The following STK32A variants were observed in gnomAD, a reference collection of about 807,000 sequenced individuals.
The protein encoded by STK32A is serine/threonine-protein kinase 32A.
A neutral mutation model predicts 53.2 loss-of-function variants in STK32A; 41 were observed. The observed-to-expected ratio is 0.77, with a 90% CI of 0.60 to 1.00. The LOEUF (loss-of-function observed/expected upper bound fraction) is 1.00, where lower values mean the gene tolerates loss of function less well. Ranked by LOEUF, STK32A falls within the 50% of genes least tolerant of loss-of-function variation. STK32A has a pLI of 0.00. For missense variants in STK32A, 458 were observed against 485.8 expected (o/e 0.94, Z 0.54); for synonymous variants, 166 against 162.8 (o/e 1.02, Z -0.15).
chr5:147,346,087 T>C (rs1254829733), intron 6 of STK32A, among the ~76,000 whole-genome samples: 1 of 152,210 alleles, frequency 6.6e-6, no homozygotes, highest in African/African-American at 2.4e-5. Flanking sequence ...TCAAGGAACA[T>C]AATTAACCAC....
intron 2 of STK32A, chr5:147,240,040 T>C (rs1431053827): frequency 5.0e-6 from 1 of 201,226 alleles, no homozygotes; most frequent in Non-Finnish European, 9.9e-6. Context: ...ATTATCAACA[T>C]GTACATGAAT....
At chr5:147,258,106 C>A (rs1413725005) in intron 2 of STK32A, among the ~76,000 whole-genome samples, 1 of 151,218 alleles carries the variant, frequency 6.6e-6, no homozygotes, top group Non-Finnish European at 1.5e-5. Context: ...CATATTTATC[C>A]AATTTTTAAT....
At chr5:147,367,597 T>C (rs1260968071) in intron 8 of STK32A, among the ~76,000 whole-genome samples, 1 of 151,908 alleles carries the variant, frequency 6.6e-6, no homozygotes, top group East Asian at 1.9e-4. Context: ...GGGGTGAGGA[T>C]CACAAGGTGC....
chr5:147,279,317 T>C lies in STK32A; in HGVS notation c.179T>C (p.Val60Ala). Residue 60 changes from valine (V) to alanine (A), a missense_variant, in exon 4 of 13, where the codon GTG becomes GCG. Transcript: ENST00000397936. ...AAGTACATGAATAAACAAAAGTGCG[T>C]GGAGCGCAATGAAGTGAGAAATGTC... ...AMKYMNKQKCVERNEVRNVFK... is the reference protein window; with the variant it reads ...AMKYMNKQKCAERNEVRNVFK... 1 of 1,613,882 alleles carries C rather than the reference T, an allele frequency of 6.2e-7. No individual in the cohort carries two copies. Among genetic ancestry groups the C allele is most frequent in the Non-Finnish European group, 8.5e-7 (1 of 1,179,836 alleles).
chr5:147,277,079 A>C (rs1306479590), intron 2 of STK32A, among the ~76,000 whole-genome samples: 1 of 152,220 alleles, frequency 6.6e-6, no homozygotes, highest in Non-Finnish European at 1.5e-5. Context: ...CACTCTAGCC[A>C]AACTTTTTCC....
At chr5:147,355,536 G>T (rs1198973881) in intron 7 of STK32A, among the ~76,000 whole-genome samples, 2 of 151,926 alleles carry the variant, frequency 1.3e-5, no homozygotes, top group Non-Finnish European at 2.9e-5. Context: ...AAATTAGCCG[G>T]GCGTGGTGGC....
At position 147,278,880 on chromosome 5, in the gene STK32A, A is replaced by C. The variant is rs1170014720; in HGVS notation, c.109-367A>C. Among the ~76,000 whole-genome samples, 4 of 152,276 alleles carry C rather than the reference A, an allele frequency of 2.6e-5. No homozygotes were observed. The East Asian group carries it at 7.8e-4, about 30-fold the overall frequency. On this transcript the variant is annotated intron_variant, in intron 3 of 12. Transcript: ENST00000397936. ...TGTAAACAGAAATTCTTTGCACAGT[A>C]TTATTCAGCTTGACAGTTCAGTCAT...
intron 11 of STK32A, among the ~76,000 whole-genome samples, chr5:147,380,479 A>T (rs964054820): frequency 4.6e-5 from 7 of 152,164 alleles, no homozygotes; most frequent in Non-Finnish European, 1.0e-4. Flanking sequence ...GGTTAAAAAA[A>T]AATAATAAAT....
At chr5:147,260,262 TCC>T (rs1427308084) in intron 2 of STK32A, among the ~76,000 whole-genome samples, 4 of 132,210 alleles carry the variant, frequency 3.0e-5, no homozygotes, top group African/African-American at 5.7e-5. Flanking sequence ...CTCCTCTCTC[TCC>T]CTCTCCCCTC....
intron 7 of STK32A, among the ~76,000 whole-genome samples, chr5:147,360,468 G>GA (rs1297469986): frequency 5.9e-4 from 60 of 101,026 alleles, no homozygotes; most frequent in Middle Eastern, 6.1e-3. Context: ...AAAAAAAAAA[G>GA]AAAAAAAAAA....
intron 7 of STK32A, 47 bp from the exon 8 acceptor site, chr5:147,361,470 C>A: frequency 8.1e-7 from 1 of 1,227,862 alleles, no homozygotes; most frequent in Non-Finnish European, 1.2e-6. Flanking sequence ...AAATATAATA[C>A]TAATGTCTCA....
At chr5:147,399,488 A>G in the STK32A span, among the ~76,000 whole-genome samples, 1 of 152,178 alleles carries the variant, frequency 6.6e-6, no homozygotes, top group African/African-American at 2.4e-5. Context: ...CCCCTGAAGT[A>G]TGCATTTTTT....
At chr5:147,268,372 C>A (rs895016774) in intron 2 of STK32A, among the ~76,000 whole-genome samples, 4 of 152,092 alleles carry the variant, frequency 2.6e-5, no homozygotes, top group African/African-American at 7.2e-5. Context: ...ACTAGGTTGG[C>A]TTTTCCTGCT....
intron 5 of STK32A, among the ~76,000 whole-genome samples, chr5:147,327,700 C>T (rs533853212): frequency 6.2e-4 from 94 of 152,284 alleles, no homozygotes; most frequent in African/African-American, 2.2e-3. Flanking sequence ...GCACTTTGTC[C>T]CCATTTCACC....
intron 1 of STK32A, 58 bp from the exon 2 acceptor site, chr5:147,239,481 A>C: frequency 1.7e-6 from 1 of 604,852 alleles, no homozygotes; most frequent in African/African-American, 1.9e-5. Context: ...CACAGTCTAT[A>C]CTCAGGGTGC....
chr5:147,326,024 T>C (rs1754569626), intron 5 of STK32A, among the ~76,000 whole-genome samples: 1 of 152,214 alleles, frequency 6.6e-6, no homozygotes, highest in South Asian at 2.1e-4. Flanking sequence ...CTTCATGTTC[T>C]TGGTCATCAA....
At chr5:147,352,916 C>T (rs1327228548) in intron 7 of STK32A, among the ~76,000 whole-genome samples, 1 of 152,106 alleles carries the variant, frequency 6.6e-6, no homozygotes, top group Non-Finnish European at 1.5e-5. Flanking sequence ...AAGAATATAG[C>T]CTGGAAGGGA....
At chr5:147,245,485 G>A (rs1379213674) in intron 2 of STK32A, among the ~76,000 whole-genome samples, 1 of 151,978 alleles carries the variant, frequency 6.6e-6, no homozygotes, top group Non-Finnish European at 1.5e-5. Flanking sequence ...TGGTTGGTTG[G>A]TATGGTTTTG....
chr5:147,395,860 A>G, the STK32A span: 1 of 1,062,974 alleles, frequency 9.4e-7, no homozygotes, highest in Non-Finnish European at 1.3e-6. Context: ...TGAGGAAGGG[A>G]GAAGTAGTAT....
Sources: gnomAD v4.1 joint callset for allele counts (sites outside exome capture counted in the v4.1 genomes callset) on GRCh38, gnomAD v4.1.1 for gene constraint, MANE v1.5 for transcripts, NCBI Gene and HGNC (gene_info 2026-07-23, HGNC 2026-07-21) for gene names.